CTU1: variants seen among roughly 807,000 people sequenced by gnomAD.
CTU1 encodes the protein cytosolic thiouridylase subunit 1.
Under a neutral mutation model 12.9 loss-of-function variants are expected in CTU1, and 15 were observed. That is an observed-to-expected ratio of 1.16 (90% confidence interval 0.78 to 1.79). The LOEUF is 1.79. Ranked by LOEUF, CTU1 falls within the 40% of genes most tolerant of loss-of-function variation. The pLI, the probability that CTU1 is intolerant of heterozygous loss-of-function variation, is 0.00. For missense variants in CTU1, 553 were observed against 550.5 expected (o/e 1.00, Z -0.05); for synonymous variants, 295 against 275.6 (o/e 1.07, Z -0.70).
At chr19:51,100,934 CGTGT>C (rs71185800) in intron 2 of CTU1, among the ~76,000 whole-genome samples, 62 of 145,530 alleles carry the variant, frequency 4.3e-4, no homozygotes, top group African/African-American at 1.5e-3. Context: ...TTTTATTGTG[CGTGT>C]GTGTGTGTGT....
At chr19:51,104,635 T>G in intron 1 of CTU1, 45 bp from the exon 2 acceptor site, 7 of 1,189,656 alleles carry the variant, frequency 5.9e-6, no homozygotes, top group Non-Finnish European at 7.3e-6. Flanking sequence ...GGATTCCGGA[T>G]TGCAGGGTCC....
chr19:51,099,039 C>A lies in CTU1; in HGVS notation c.609G>T (p.Glu203Asp). 6.6e-7 allele frequency: 1 copy of A among 1,511,594 alleles called. No individual in the cohort carries two copies. The highest frequency in any genetic ancestry group is 8.8e-7 in the Non-Finnish European group (1 of 1,134,082). The allele number at this position is 1,511,594 out of a possible 1,614,324, so 93.6% of individuals were successfully genotyped here. ...GGCGGCAGCGCGGCAGGGCGCCCCCCTCGCCGGGAGAGCCCAGGCCCCCGC... is the reference window on the plus strand; with the variant it reads ...GGCGGCAGCGCGGCAGGGCGCCCCCATCGCCGGGAGAGCCCAGGCCCCCGC... ...ARGGGLGSPG[E>D]GGALPRCRPL... Residue 203 changes from glutamate (E) to aspartate (D), a missense_variant, in exon 3 of 3, where the codon GAG becomes GAT. Glu to Asp is a conservative substitution (Grantham distance 45). Transcript: ENST00000421832.
intron 2 of CTU1, among the ~76,000 whole-genome samples, chr19:51,101,253 C>T (rs186399103): frequency 4.7e-4 from 72 of 152,302 alleles, no homozygotes; most frequent in African/African-American, 1.7e-3. Flanking sequence ...GTAATCACTG[C>T]AGTGTTTTTG....
At chr19:51,102,152 C>T (rs1281657606) in intron 2 of CTU1, among the ~76,000 whole-genome samples, 1 of 152,132 alleles carries the variant, frequency 6.6e-6, no homozygotes, top group East Asian at 1.9e-4. Flanking sequence ...TACAGCCGCC[C>T]ACCACCACAC....
At chr19:51,107,028 A>T (rs971685876) in intron 1 of CTU1, among the ~76,000 whole-genome samples, 1 of 152,176 alleles carries the variant, frequency 6.6e-6, no homozygotes, top group African/African-American at 2.4e-5. Flanking sequence ...TCTGCAGGAC[A>T]GGACGTAACG....
At position 51,104,166 on chromosome 19, in the gene CTU1, G is replaced by A; in HGVS notation, c.404C>T (p.Ala135Val). Residue 135 changes from alanine to valine, a missense_variant, in exon 2 of 3, where the codon GCC becomes GTC. Around this residue, in one of 2 missense-constraint regions of CTU1, gnomAD observed 500 missense variants for 458.5 expected, o/e 1.09. Transcript: ENST00000421832. ...GCAGGAGCGGCTGCGGCCGGAGCCG[G>A]CTGTGCTGCGGGCCACGGCGTCCAT... is the stretch of plus-strand genomic sequence containing the variant. ...WTMDAVARSTAGSGRSRSCCT... is the reference protein window; with the variant it reads ...WTMDAVARSTVGSGRSRSCCT... 2 of 1,519,934 alleles carry A rather than the reference G, an allele frequency of 1.3e-6. No individual in the cohort carries two copies. The highest frequency in any genetic ancestry group is 8.8e-7 in the Non-Finnish European group (1 of 1,141,382). 94.2% of individuals were successfully genotyped at this position (1,519,934 alleles called of 1,614,324 possible).
At position 51,098,937 on chromosome 19, in the gene CTU1, G is replaced by C; in HGVS notation, c.711C>G (p.Cys237Trp). Residue 237 changes from cysteine to tryptophan, a missense_variant, in exon 3 of 3, where the codon TGC becomes TGG. Physicochemically the swap from Cys to Trp is radical, Grantham distance 215. Transcript: ENST00000421832. The surrounding 1 kb of genome is among the most constrained non-coding windows in gnomAD (Gnocchi z 4.3). ...CGCGGAAGGCCTCGGGCGCGTAGAC[G>C]CACTCCTCGGAGAAGTAGTCGAGGC... ...FRRLDYFSEE[C>W]VYAPEAFRGH... The C allele has an allele frequency of 6.5e-7, 1 of 1,537,946 alleles. No individual in the cohort carries two copies. Among genetic ancestry groups the C allele is most frequent in the South Asian group, 1.2e-5 (1 of 85,828 alleles).
At position 51,101,414 on chromosome 19, in the gene CTU1, C is replaced by T. The variant is rs535031895; in HGVS notation, c.509-2275G>A. On this transcript the variant is annotated intron_variant, in intron 2 of 2. Coordinates refer to ENST00000421832, the MANE Select transcript of CTU1 (RefSeq NM_145232.4). Reference sequence around the variant, plus strand: ...GATGAGTCTGCCCTCCTTCCCTCCCCCAGAGACATTTGGCAATGGCTGGAG... The same window carrying T: ...GATGAGTCTGCCCTCCTTCCCTCCCTCAGAGACATTTGGCAATGGCTGGAG... Among the ~76,000 whole-genome samples the T allele has an allele frequency of 4.6e-5, 7 of 152,244 alleles. No homozygotes were observed. The East Asian group carries it at 7.7e-4, about 17-fold the overall frequency.
At chr19:51,103,584 CAAA>C (rs746986273) in intron 2 of CTU1, among the ~76,000 whole-genome samples, 25,720 of 95,770 alleles carry the variant, frequency 0.27, 1,635 homozygotes, top group Non-Finnish European at 0.3. Context: ...GACTCTGTCT[CAAA>C]AAAAAAAAAA....
chr19:51,100,285 G>A (rs1431466157), intron 2 of CTU1, among the ~76,000 whole-genome samples: 1 of 152,192 alleles, frequency 6.6e-6, no homozygotes, highest in Non-Finnish European at 1.5e-5. Flanking sequence ...TGCAAACGGT[G>A]TAGGACTCAA....
chr19:51,099,204 C>T, intron 2 of CTU1, 65 bp from the exon 3 acceptor site: 1 of 1,435,166 alleles, frequency 7.0e-7, no homozygotes, highest in Non-Finnish European at 9.4e-7. Flanking sequence ...AGGGAGCCCC[C>T]CGGGGAACCA....
At position 51,098,953 on chromosome 19, in the gene CTU1, T is replaced by A; in HGVS notation, c.695A>T (p.Tyr232Phe). The change falls in exon 3 of 3, where the codon TAC (tyrosine) becomes TTC (phenylalanine). Residue 232 changes from tyrosine (Y) to phenylalanine (F), a missense_variant. Around this residue, in one of 2 missense-constraint regions of CTU1, gnomAD observed 500 missense variants for 458.5 expected, o/e 1.09. Coordinates refer to ENST00000421832, the MANE Select transcript of CTU1 (RefSeq NM_145232.4). The surrounding 1 kb of genome is among the most constrained non-coding windows in gnomAD (Gnocchi z 4.3). ...VLYAHFRRLDYFSEECVYAPE... is the reference protein window; with the variant it reads ...VLYAHFRRLDFFSEECVYAPE... ...CGCGTAGACGCACTCCTCGGAGAAG[T>A]AGTCGAGGCGGCGGAAGTGCGCGTA... 1 of 1,543,988 alleles carries A rather than the reference T, an allele frequency of 6.5e-7. No homozygotes were observed. Among genetic ancestry groups the A allele is most frequent in the Non-Finnish European group, 8.7e-7 (1 of 1,150,880 alleles).
rs1439149484 is a variant in CTU1 at position 51,104,248 on chromosome 19, G to A, written c.322C>T (p.Arg108Cys). The A allele has an allele frequency of 3.3e-6, 5 of 1,506,184 alleles. No homozygotes were observed. The highest frequency in any genetic ancestry group is 5.3e-5 in the East Asian group (2 of 37,892). 93.3% of individuals were successfully genotyped at this position (1,506,184 alleles called of 1,614,324 possible). Reference protein sequence around the residue: ...ALAAVRRQAARWELPLTVVAY... With the variant: ...ALAAVRRQAACWELPLTVVAY... ...ACGACCGTGAGCGGCAGCTCCCAGC[G>A]CGCCGCCTGGCGCCGCACGGCCGCC... Residue 108 changes from arginine (R) to cysteine (C), a missense_variant, in exon 2 of 3, where the codon CGC becomes TGC. By Grantham distance (180) the Arg-to-Cys change is radical (BLOSUM62 -3). Around this residue, in one of 2 missense-constraint regions of CTU1, gnomAD observed 500 missense variants for 458.5 expected, o/e 1.09. Coordinates refer to ENST00000421832, the MANE Select transcript of CTU1 (RefSeq NM_145232.4).
intron 2 of CTU1, 60 bp from the exon 3 acceptor site, chr19:51,099,199 G>A (rs2091901327): frequency 6.2e-6 from 9 of 1,453,104 alleles, no homozygotes; most frequent in Non-Finnish European, 7.4e-6. Flanking sequence ...TGGCCAGGGA[G>A]CCCCCCGGGG....
chr19:51,099,904 T>C (rs1045383650), intron 2 of CTU1, among the ~76,000 whole-genome samples: 2 of 152,118 alleles, frequency 1.3e-5, no homozygotes, highest in African/African-American at 2.4e-5. Context: ...AATGGTGCGT[T>C]ATCCAGGTGC....
chr19:51,107,003 C>T (rs1238518871), intron 1 of CTU1, among the ~76,000 whole-genome samples: 2 of 152,196 alleles, frequency 1.3e-5, no homozygotes, highest in Non-Finnish European at 2.9e-5. Context: ...CAGCCACCAC[C>T]TTTCATCCAG....
chr19:51,100,278 A>G (rs1020065872), intron 2 of CTU1, among the ~76,000 whole-genome samples: 1 of 152,166 alleles, frequency 6.6e-6, no homozygotes, highest in Admixed American at 6.5e-5. Flanking sequence ...AGAGTGATGC[A>G]AACGGTGTAG....
Position 51,104,054 on chromosome 19 carries a change from A to G in CTU1, c.508+8T>C, listed in dbSNP as rs771878479. 5 of 1,446,626 alleles carry G rather than the reference A, an allele frequency of 3.5e-6. No individual in the cohort carries two copies. The Admixed American group carries it at 8.6e-5, about 25-fold the overall frequency. The allele number at this position is 1,446,626 out of a possible 1,614,324, so 89.6% of individuals were successfully genotyped here. ...AGAGTGCCGCTCTGCGGCCCGTACTACGCTCACCTGTCACGATGTGCGTGG... is the reference window on the plus strand; with the variant it reads ...AGAGTGCCGCTCTGCGGCCCGTACTGCGCTCACCTGTCACGATGTGCGTGG... On this transcript the variant is annotated splice_region_variant and intron_variant, in intron 2 of 2. Coordinates refer to ENST00000421832, the MANE Select transcript of CTU1 (RefSeq NM_145232.4).
At chr19:51,104,003 C>T in intron 2 of CTU1, 59 bp downstream of exon 2, 6 of 1,381,436 alleles carry the variant, frequency 4.3e-6, no homozygotes, top group Non-Finnish European at 5.6e-6. Flanking sequence ...CGCCTCCTCG[C>T]CTGTGCATTC....
Sources: gnomAD v4.1 joint callset for allele counts (sites outside exome capture counted in the v4.1 genomes callset) on GRCh38, gnomAD v4.1.1 for gene constraint, gnomAD v4.1.1 regional missense constraint, Gnocchi (gnomAD v3.1) non-coding constraint, MANE v1.5 for transcripts, NCBI Gene and HGNC (gene_info 2026-07-23, HGNC 2026-07-21) for gene names.